The following ERICH1 variants were observed in gnomAD, a reference collection of about 807,000 sequenced individuals.
ERICH1 encodes glutamate rich 1.
In ERICH1, 56 loss-of-function variants were observed where a neutral mutation model predicts 39.6. The observed-to-expected ratio is 1.41, with a 90% CI of 1.14 to 1.77. The LOEUF (loss-of-function observed/expected upper bound fraction) is 1.77. Among genes scored for constraint, ERICH1 ranks in the 40% most tolerant of loss-of-function variants. ERICH1 has a pLI of 0.00. For synonymous variants in ERICH1, 313 were observed against 223.6 expected, an observed-to-expected ratio of 1.40 and a Z score of -3.57; for missense variants, 826 against 575.4, an observed-to-expected ratio of 1.44 and a Z score of -4.45.
intron 3 of ERICH1, among the ~76,000 whole-genome samples, chr8:634,168 CAAAAA>C (rs56687918): frequency 3.3e-5 from 3 of 92,004 alleles, no homozygotes; most frequent in Non-Finnish European, 4.6e-5. Context: ...TCCTAAAACT[CAAAAA>C]AAAAAAAAAA....
At chr8:719,576 C>T (rs4735816) in intron 1 of ERICH1, among the ~76,000 whole-genome samples, 23,531 of 152,168 alleles carry the variant, frequency 0.15, 2,199 homozygotes, top group East Asian at 0.46. Flanking sequence ...GAGGAGACAC[C>T]GCGGGACCAG....
At chr8:668,982 CTG>C (rs1028268974) in intron 4 of ERICH1, 190 bp from the exon 5 acceptor site, 13 of 606,944 alleles carry the variant, frequency 2.1e-5, no homozygotes, top group African/African-American at 5.6e-5. Flanking sequence ...GCATGAACGA[CTG>C]TGGAAACCTG....
chr8:714,930 T>C (rs1010417181), intron 2 of ERICH1, among the ~76,000 whole-genome samples: 2 of 152,104 alleles, frequency 1.3e-5, no homozygotes, highest in African/African-American at 4.8e-5. Context: ...CTCGGTGGGA[T>C]GTACTCCACC....
At position 656,383 on chromosome 8, in the gene ERICH1, C is replaced by T. The variant is rs1669709; in HGVS notation, c.976+12215G>A. On this transcript the variant is annotated intron_variant, in intron 3 of 3. Transcript: ENST00000522706. ...GACCCAGTGATTTTAACATCCGGAT[C>T]GTCCTTGTTGGGTTTGGTTATTATT... Among the ~76,000 whole-genome samples, 825 of 152,292 alleles carry T rather than the reference C, an allele frequency of 5.4e-3. 8 individuals are homozygous for T. The highest frequency in any genetic ancestry group is 0.019 in the African/African-American group (774 of 41,558).
At chr8:716,784 G>A (rs1816104555) in intron 1 of ERICH1, among the ~76,000 whole-genome samples, 4 of 152,088 alleles carry the variant, frequency 2.6e-5, no homozygotes. Flanking sequence ...GCAGGGACTT[G>A]GCCTGACTGG....
chr8:623,713 G>A (rs1200690783), intron 3 of ERICH1, among the ~76,000 whole-genome samples: 2 of 152,100 alleles, frequency 1.3e-5, no homozygotes. Flanking sequence ...ACATGAAGTT[G>A]AACCCCTTTC....
intron 4 of ERICH1, 80 bp from the exon 5 acceptor site, chr8:668,872 G>C: frequency 3.0e-6 from 4 of 1,349,074 alleles, no homozygotes; most frequent in Non-Finnish European, 4.0e-6. Context: ...CTCTCTTAAG[G>C]AAGGTCTCAA....
At chr8:651,861 C>G (rs957211671) in intron 3 of ERICH1, among the ~76,000 whole-genome samples, 2 of 152,132 alleles carry the variant, frequency 1.3e-5, no homozygotes, top group African/African-American at 4.8e-5. Context: ...TTCAGCAGTT[C>G]CCCCTTGCTT....
chr8:618,802 C>T (rs896613848), intron 3 of ERICH1, among the ~76,000 whole-genome samples: 6 of 152,074 alleles, frequency 3.9e-5, no homozygotes, highest in Admixed American at 2.0e-4. Flanking sequence ...AGACTGAGAG[C>T]GCCACTTGAG....
chr8:716,186 G>A (rs1347749027), intron 1 of ERICH1, among the ~76,000 whole-genome samples, 179 bp from the exon 2 acceptor site: 1 of 152,198 alleles, frequency 6.6e-6, no homozygotes, highest in Admixed American at 6.5e-5. Context: ...GACTCTGCCC[G>A]CAGAGGAACC....
At chr8:635,323 T>C (rs1248901212) in intron 3 of ERICH1, among the ~76,000 whole-genome samples, 1 of 151,356 alleles carries the variant, frequency 6.6e-6, no homozygotes, top group Non-Finnish European at 1.5e-5. Context: ...CCCACACGGG[T>C]TTATCCGGGT....
chr8:626,786 A>G (rs1422682704), intron 3 of ERICH1: 1 of 214,852 alleles, frequency 4.7e-6, no homozygotes, highest in Non-Finnish European at 1.0e-5. Context: ...CAGAGTGAAG[A>G]TTTTGTTTTT....
intron 3 of ERICH1, among the ~76,000 whole-genome samples, chr8:629,079 G>A (rs944656419): frequency 2.0e-5 from 3 of 152,180 alleles, no homozygotes; most frequent in African/African-American, 4.8e-5. Flanking sequence ...GACACAGTCC[G>A]AAGGTTGGAA....
Position 634,318 on chromosome 8 carries a change from A to C in ERICH1, c.977-19034T>G, listed in dbSNP as rs1168527615. 2.0e-5 allele frequency among the ~76,000 whole-genome samples: 3 copies of C among 152,228 alleles called. No individual in the cohort carries two copies. The East Asian group carries it at 5.8e-4, about 29-fold the overall frequency. ...ACCCGTTGGGATGGCTGCTATAGAA[A>C]CAAAACACAAAGGCAACGAGCGAGC... On this transcript the variant is annotated intron_variant, in intron 3 of 3. Coordinates refer to the ERICH1 transcript ENST00000522706.
At chr8:708,622 G>C (rs1038997720) in intron 2 of ERICH1, among the ~76,000 whole-genome samples, 10 of 150,306 alleles carry the variant, frequency 6.7e-5, no homozygotes, top group African/African-American at 2.2e-4. Flanking sequence ...AAACAGATTA[G>C]TGGTTTCCAG....
intron 2 of ERICH1, among the ~76,000 whole-genome samples, chr8:701,331 G>A (rs1329818735): frequency 6.6e-6 from 1 of 152,160 alleles, no homozygotes; most frequent in Non-Finnish European, 1.5e-5. Flanking sequence ...CCTGCTGGAC[G>A]GGAGCACGCC....
rs1359580714 is a variant in ERICH1 at position 648,401 on chromosome 8, G to T, written c.976+20197C>A. Reference sequence around the variant, plus strand: ...ATGCTGACTCCAGGTCGCAGTAGGGGAGGTGCTGGGGACCTGTGAGGCTGA... The same window carrying T: ...ATGCTGACTCCAGGTCGCAGTAGGGTAGGTGCTGGGGACCTGTGAGGCTGA... On this transcript the variant is annotated intron_variant, in intron 3 of 3. Coordinates refer to the ERICH1 transcript ENST00000522706. Among the ~76,000 whole-genome samples the T allele has an allele frequency of 6.2e-5, 4 of 64,254 alleles. 2 individuals carry two copies. Among genetic ancestry groups the T allele is most frequent in the African/African-American group, 1.6e-4 (4 of 25,218 alleles). The allele number at this position is 64,254 out of a possible 152,430, so 42.2% of individuals were successfully genotyped here.
chr8:728,742 C>G (rs1022108274), intron 1 of ERICH1, among the ~76,000 whole-genome samples: 2 of 152,174 alleles, frequency 1.3e-5, no homozygotes, highest in African/African-American at 4.8e-5. Flanking sequence ...AAGAAATATC[C>G]TCCGGTGCTA....
intron 3 of ERICH1, among the ~76,000 whole-genome samples, chr8:616,918 GACAGAA>G (rs1563156804): frequency 0.26 from 19,390 of 73,418 alleles, 6,247 homozygotes; most frequent in African/African-American, 0.41. Context: ...GAGAGAGAGA[GACAGAA>G]AGAGACAGAG....
Sources: gnomAD v4.1 joint callset for allele counts (sites outside exome capture counted in the v4.1 genomes callset) on GRCh38, gnomAD v4.1.1 for gene constraint, MANE v1.5 for transcripts, NCBI Gene and HGNC (gene_info 2026-07-23, HGNC 2026-07-21) for gene names.